Variants in RSF1 observed in about 807,000 individuals in gnomAD.
RSF1 encodes the protein HBV pX-associated protein 8.
RSF1 carries 13 observed loss-of-function variants against 145.2 expected under a neutral mutation model. The observed-to-expected ratio is 0.09, with a 90% CI of 0.06 to 0.14. The LOEUF (loss-of-function observed/expected upper bound fraction) is 0.14. Among genes scored for constraint, RSF1 ranks in the 10% least tolerant of loss-of-function variants. RSF1 has a pLI of 1.00. For missense variants in RSF1, 1,517 were observed against 1,718.2 expected, an observed-to-expected ratio of 0.88 and a Z score of 2.07; for synonymous variants, 577 against 592.6, an observed-to-expected ratio of 0.97 and a Z score of 0.38.
At chr11:77,807,831 T>C (rs1006145696) in intron 1 of RSF1, among the ~76,000 whole-genome samples, 1 of 152,130 alleles carries the variant, frequency 6.6e-6, no homozygotes, top group Non-Finnish European at 1.5e-5. Context: ...ACGATTATCA[T>C]AAGGGCTGAA....
At position 77,665,776 on chromosome 11, in the gene RSF1, GCACA is replaced by G. The variant is rs61485148; in HGVS notation, c.*1137_*1140del. 27,185 of 151,394 alleles carry G rather than the reference GCACA, an allele frequency of 0.18. 3,053 individuals are homozygous for G. The highest frequency in any genetic ancestry group is 0.3 in the African/African-American group (12,561 of 41,244). The allele number at this position is 151,394 out of a possible 1,614,324, so 9.4% of individuals were successfully genotyped here. A position where few individuals can be genotyped will look rare whatever the true frequency, so the allele number is the denominator to read the frequency against. ...TTCCAACACACACACACACGCACAC[GCACA>G]CACACAAACACACACACACGCTAAA... On this transcript the variant is annotated 3_prime_UTR_variant, in exon 16 of 16. Transcript: ENST00000308488.
rs1820268095 is a variant in RSF1, at chr11:77,725,456, G to C, written c.733+89C>G. ...AAGGCTCCCAATTCAAATTGAGATA[G>C]AAATTCAGAATTATATAGTTGGGAA... is the stretch of plus-strand genomic sequence containing the variant. On this transcript the variant is annotated intron_variant, in intron 5 of 15. Transcript: ENST00000308488. The C allele has an allele frequency of 5.6e-6, 6 of 1,077,188 alleles. No individual in the cohort carries two copies. In the South Asian group the frequency reaches 2.4e-4, roughly 43 times the overall value. 66.7% of individuals were successfully genotyped at this position (1,077,188 alleles called of 1,614,324 possible). A position where few individuals can be genotyped will look rare whatever the true frequency, so the allele number is the denominator to read the frequency against.
chr11:77,820,861 T>C (rs1482757244), upstream of RSF1: 3 of 802,454 alleles, frequency 3.7e-6, no homozygotes, highest in East Asian at 2.7e-5. Flanking sequence ...GGCTCCGCGA[T>C]CCCACAATAC....
intron 4 of RSF1, among the ~76,000 whole-genome samples, chr11:77,726,817 C>G (rs1961064985): frequency 6.6e-6 from 1 of 152,190 alleles, no homozygotes; most frequent in African/African-American, 2.4e-5. Context: ...CTTTCCAATT[C>G]CATGCCAGCT....
At chr11:77,759,599 G>A (rs915667803) in intron 2 of RSF1, among the ~76,000 whole-genome samples, 7 of 152,146 alleles carry the variant, frequency 4.6e-5, no homozygotes, top group East Asian at 3.9e-4. Flanking sequence ...CAGGAGAATC[G>A]CTTAAATCCA....
At chr11:77,872,071 G>A in the RSF1 span, 5 of 1,266,808 alleles carry the variant, frequency 3.9e-6, no homozygotes, top group Admixed American at 2.9e-5. Context: ...GTGAAGTGAC[G>A]ATTGTCACTG....
chr11:77,720,139 T>A lies in RSF1; in HGVS notation c.733+5406A>T, dbSNP rs192290098. Among the ~76,000 whole-genome samples, 107 of 152,204 alleles carry A rather than the reference T, an allele frequency of 7.0e-4. 1 individual carries two copies. The highest frequency in any genetic ancestry group is 2.2e-4 in the Non-Finnish European group (15 of 68,024). On this transcript the variant is annotated intron_variant, in intron 5 of 15. Transcript: ENST00000308488. ...GCTTTTTAAAAACAAAGCAGCACTG[T>A]AGAAACCAAAATAAACACGTTTTTG...
chr11:77,720,264 G>A (rs952475868), intron 5 of RSF1, among the ~76,000 whole-genome samples: 4 of 152,164 alleles, frequency 2.6e-5, no homozygotes, highest in African/African-American at 9.7e-5. Flanking sequence ...AGAAGTGCAT[G>A]ACTGTAAAAA....
At chr11:77,703,742 T>C (rs1174711699) in intron 5 of RSF1, among the ~76,000 whole-genome samples, 1 of 152,072 alleles carries the variant, frequency 6.6e-6, no homozygotes, top group Non-Finnish European at 1.5e-5. Flanking sequence ...GTCAGTGCCA[T>C]AGGGAATGCT....
At chr11:77,794,311 G>A (rs555886471) in intron 1 of RSF1, among the ~76,000 whole-genome samples, 4 of 152,216 alleles carry the variant, frequency 2.6e-5, no homozygotes, top group South Asian at 4.2e-4. Flanking sequence ...TTAAGAAATC[G>A]AAATCATCTA....
At chr11:77,771,026 G>A (rs1268424872) in intron 1 of RSF1, among the ~76,000 whole-genome samples, 1 of 152,146 alleles carries the variant, frequency 6.6e-6, no homozygotes, top group East Asian at 1.9e-4. Context: ...GCTCCAATCA[G>A]ATGACCCCAT....
At chr11:77,730,159 TA>T (rs1961167412) in intron 4 of RSF1, among the ~76,000 whole-genome samples, 1 of 152,146 alleles carries the variant, frequency 6.6e-6, no homozygotes, top group African/African-American at 2.4e-5. Context: ...GTAATTTGCC[TA>T]AGGTAAGTTA....
chr11:77,865,247 A>C, the RSF1 span, among the ~76,000 whole-genome samples: 1 of 152,204 alleles, frequency 6.6e-6, no homozygotes, highest in Non-Finnish European at 1.5e-5. Flanking sequence ...TGTAATAGAA[A>C]TCTCAAAATT....
chr11:77,667,348 G>A lies in RSF1; in HGVS notation c.3895C>T (p.Arg1299Trp), dbSNP rs762277439. Residue 1299 changes from arginine to tryptophan, a missense_variant, in exon 16 of 16, where the codon CGG (arginine) becomes TGG (tryptophan). Physicochemically the swap from Arg to Trp is moderately radical, Grantham distance 101. This residue lies in a region of RSF1 where 240 missense variants were observed against 231.8 expected (regional missense o/e 1.04). Transcript: ENST00000308488. The stretch of plus-strand genomic sequence containing the variant: ...TCATCCGTCTCAATCCGGTGTAGCC[G>A]TTTGCGGGATGGTTTGCCTTCCTCT... The part of the protein sequence containing the change: ...EEEEGKPSRK[R>W]LHRIETDEEE... The A allele has an allele frequency of 1.9e-6, 3 of 1,613,912 alleles. No homozygotes were observed. Among genetic ancestry groups the A allele is most frequent in the Non-Finnish European group, 2.5e-6 (3 of 1,179,916 alleles).
chr11:77,673,609 A>T (rs915111366), intron 14 of RSF1, among the ~76,000 whole-genome samples: 1 of 152,240 alleles, frequency 6.6e-6, no homozygotes, highest in South Asian at 2.1e-4. Flanking sequence ...TCCTTACAGA[A>T]CAACAATAAA....
upstream of RSF1, among the ~76,000 whole-genome samples, chr11:77,822,371 C>G (rs1472167406): frequency 2.1e-5 from 3 of 144,300 alleles, no homozygotes; most frequent in African/African-American, 7.8e-5. Context: ...GTCGAGGTCG[C>G]GCCACTGCAC....
At chr11:77,869,912 A>G in the RSF1 span, 2 of 1,193,116 alleles carry the variant, frequency 1.7e-6, no homozygotes, top group African/African-American at 1.5e-5. Context: ...TCATCTTTAT[A>G]TATCATGTAC....
chr11:77,828,463 C>T, the RSF1 span, among the ~76,000 whole-genome samples: 3 of 151,976 alleles, frequency 2.0e-5, no homozygotes, highest in South Asian at 6.2e-4. Flanking sequence ...GTCAGGAGAT[C>T]GAGACCATCC....
intron 1 of RSF1, among the ~76,000 whole-genome samples, chr11:77,794,224 G>A (rs1451603724): frequency 6.6e-6 from 1 of 152,172 alleles, no homozygotes; most frequent in African/African-American, 2.4e-5. Flanking sequence ...CTAACTAACT[G>A]CACAATACCT....
Sources: gnomAD v4.1 joint callset for allele counts (sites outside exome capture counted in the v4.1 genomes callset) on GRCh38, gnomAD v4.1.1 for gene constraint, gnomAD v4.1.1 regional missense constraint, MANE v1.5 for transcripts, NCBI Gene and HGNC (gene_info 2026-07-23, HGNC 2026-07-21) for gene names.